The following ENOX2 variants were observed in gnomAD, a reference collection of about 807,000 sequenced individuals.
The protein encoded by ENOX2 is ecto-NOX disulfide-thiol exchanger 2, also known as APK1 antigen.
A neutral mutation model predicts 45.0 loss-of-function variants in ENOX2; 36 were observed. The observed-to-expected ratio is 0.80, with a 90% CI of 0.61 to 1.06. ENOX2 has a LOEUF of 1.06. ENOX2 is among the 50% of genes least tolerant of loss of function. The probability of loss-of-function intolerance (pLI) is 0.00; values close to 1 mark genes in which losing one functional copy is unlikely to be tolerated. For missense variants in ENOX2, 423 were observed against 462.5 expected, an observed-to-expected ratio of 0.91 and a Z score of 0.78; for synonymous variants, 174 against 152.3, an observed-to-expected ratio of 1.14 and a Z score of -1.05.
At chrX:130,694,600 C>CTTTTTTTTT (rs1176052103) in intron 4 of ENOX2, among the ~76,000 whole-genome samples, 1 of 86,197 alleles carries the variant, frequency 1.2e-5, no homozygotes, top group Non-Finnish European at 2.3e-5. Context: ...CTTTTCTTTT[C>CTTTTTTTTT]TTTTTTTTTT....
intron 5 of ENOX2, among the ~76,000 whole-genome samples, chrX:130,687,900 C>T (rs1227420499): frequency 8.9e-6 from 1 of 112,136 alleles, no homozygotes; most frequent in Non-Finnish European, 1.9e-5. Context: ...CCATGATTAA[C>T]TGATTCCTAT....
chrX:130,738,843 T>C (rs2038917299), intron 3 of ENOX2, among the ~76,000 whole-genome samples: 2 of 112,097 alleles, frequency 1.8e-5, no homozygotes, highest in South Asian at 7.5e-4. Flanking sequence ...GCAAGTACTA[T>C]CACAAAAGGC....
intron 1 of ENOX2, among the ~76,000 whole-genome samples, chrX:130,902,009 C>G (rs753360578): frequency 1.8e-5 from 2 of 111,188 alleles, no homozygotes; most frequent in East Asian, 5.7e-4. Flanking sequence ...AACTTCAAAT[C>G]CCCTGTACTC....
intron 3 of ENOX2, among the ~76,000 whole-genome samples, chrX:130,752,721 T>C (rs922715952): frequency 9.0e-6 from 1 of 111,062 alleles, no homozygotes; most frequent in African/African-American, 3.3e-5. Context: ...CATTTGTCTA[T>C]CTCCTCATCT....
rs1427500028 is a variant in ENOX2, at chrX:130,852,090, AAAG to A, written c.-183+49591_-183+49593del. Among the ~76,000 whole-genome samples, 6 of 112,469 alleles carry A rather than the reference AAAG, an allele frequency of 5.3e-5. 1 individual carries two copies. The highest frequency in any genetic ancestry group is 3.7e-4 in the South Asian group (1 of 2,721). Reference sequence around the variant, plus strand: ...AGAAATATGACTTAGATGAGAAAAAAAAGAAGAAGCAAAGAAAGAAAACAGAAG... The same window carrying A: ...AGAAATATGACTTAGATGAGAAAAAAAAGAAGCAAAGAAAGAAAACAGAAG... On this transcript the variant is annotated intron_variant, in intron 2 of 14. Transcript: ENST00000394363.
intron 5 of ENOX2, among the ~76,000 whole-genome samples, chrX:130,682,657 T>G (rs1256853922): frequency 1.9e-5 from 2 of 105,359 alleles, no homozygotes; most frequent in African/African-American, 3.5e-5. Flanking sequence ...GGTGCTGTGA[T>G]TCTTCTGTGG....
chrX:130,803,343 A>G (rs1366068100), intron 2 of ENOX2, among the ~76,000 whole-genome samples: 2 of 112,003 alleles, frequency 1.8e-5, no homozygotes, highest in African/African-American at 6.5e-5. Flanking sequence ...TCCTCACTGT[A>G]AGTAAACCAC....
At chrX:130,667,873 C>T in intron 7 of ENOX2, 131 bp from the exon 8 acceptor site, 2 of 463,048 alleles carry the variant, frequency 4.3e-6, no homozygotes, top group Non-Finnish European at 7.4e-6. Context: ...TGAGGAGCCA[C>T]ACATACACAC....
chrX:130,832,330 T>A (rs2077847867), intron 2 of ENOX2, among the ~76,000 whole-genome samples: 1 of 109,682 alleles, frequency 9.1e-6, no homozygotes, highest in Admixed American at 9.9e-5. Context: ...AATAAATGAC[T>A]TGCCCAAAGA....
chrX:130,696,136 T>C (rs2037752950), intron 4 of ENOX2, among the ~76,000 whole-genome samples: 1 of 112,361 alleles, frequency 8.9e-6, no homozygotes, highest in African/African-American at 3.2e-5. Flanking sequence ...ATTGGTGGGT[T>C]ATGTGGCACA....
intron 3 of ENOX2, among the ~76,000 whole-genome samples, chrX:130,750,947 C>T (rs1034599220): frequency 9.0e-6 from 1 of 111,261 alleles, no homozygotes; most frequent in African/African-American, 3.3e-5. Context: ...CTCTCTCTGC[C>T]TGCCTACCTG....
intron 6 of ENOX2, among the ~76,000 whole-genome samples, chrX:130,670,997 C>T (rs1014042612): frequency 1.8e-5 from 2 of 111,314 alleles, no homozygotes; most frequent in Non-Finnish European, 3.8e-5. Context: ...TCATTATCAG[C>T]ACAAGCTTGC....
intron 3 of ENOX2, among the ~76,000 whole-genome samples, chrX:130,714,588 A>G (rs1301020345): frequency 9.0e-6 from 1 of 111,645 alleles, no homozygotes; most frequent in Non-Finnish European, 1.9e-5. Context: ...TAGGTAATCA[A>G]TATGTGCTAG....
At chrX:130,841,619 T>C (rs998133317) in intron 2 of ENOX2, among the ~76,000 whole-genome samples, 13 of 112,043 alleles carry the variant, frequency 1.2e-4, no homozygotes, top group African/African-American at 4.2e-4. Context: ...ACACAGCAGA[T>C]GGTTAAGAAA....
chrX:130,747,600 C>G (rs1345455513), intron 3 of ENOX2, among the ~76,000 whole-genome samples: 1 of 112,430 alleles, frequency 8.9e-6, no homozygotes, highest in Non-Finnish European at 1.9e-5. Flanking sequence ...TACAGATGAC[C>G]TGTTTTAAGA....
chrX:130,797,862 GTGT>G (rs1239119228), intron 2 of ENOX2, among the ~76,000 whole-genome samples: 1 of 111,414 alleles, frequency 9.0e-6, no homozygotes, highest in East Asian at 2.8e-4. Context: ...CTGTGTGTGT[GTGT>G]TGTTGTTGTT....
At chrX:130,727,147 C>G (rs757438087) in intron 3 of ENOX2, among the ~76,000 whole-genome samples, 1 of 112,367 alleles carries the variant, frequency 8.9e-6, no homozygotes, top group African/African-American at 3.2e-5. Context: ...ACTTTTTGAA[C>G]ACCTCCTCTG....
intron 9 of ENOX2, among the ~76,000 whole-genome samples, chrX:130,659,694 A>G (rs1546932): frequency 5.3e-5 from 6 of 112,503 alleles, no homozygotes; most frequent in African/African-American, 1.3e-4. Flanking sequence ...CCTAACAAAA[A>G]TGTAGACTAT....
intron 2 of ENOX2, among the ~76,000 whole-genome samples, chrX:130,788,781 A>AT (rs2077002751): frequency 8.9e-6 from 1 of 111,769 alleles, no homozygotes; most frequent in African/African-American, 3.3e-5. Context: ...CTCACATCTC[A>AT]TCTCCTCCCT....
Sources: allele counts gnomAD v4.1 joint callset (sites outside exome capture counted in the v4.1 genomes callset), GRCh38; gene constraint gnomAD v4.1.1; transcripts MANE v1.5; gene names NCBI Gene and HGNC (gene_info 2026-07-23, HGNC 2026-07-21).